NEXMIF: variants seen among roughly 807,000 people sequenced by gnomAD.
The protein encoded by NEXMIF is XLMR protein related to neurite extension.
In NEXMIF, 8 loss-of-function variants were observed where a neutral mutation model predicts 62.1. The ratio of observed to expected loss-of-function variants is 0.13; its 90% CI spans 0.08 to 0.23. The LOEUF is 0.23. Among genes scored for constraint, NEXMIF ranks in the 10% least tolerant of loss-of-function variants. NEXMIF has a pLI of 1.00. For missense variants in NEXMIF, 976 were observed against 1,113.3 expected, an observed-to-expected ratio of 0.88 and a Z score of 1.75; for synonymous variants, 404 against 416.6, an observed-to-expected ratio of 0.97 and a Z score of 0.37.
At chrX:74,776,587 C>T (rs1284220599) in intron 1 of NEXMIF, among the ~76,000 whole-genome samples, 3 of 109,271 alleles carry the variant, frequency 2.7e-5, no homozygotes, top group African/African-American at 6.7e-5. Flanking sequence ...ATAACCTGGG[C>T]GTGGTGGCGG....
intron 1 of NEXMIF, among the ~76,000 whole-genome samples, chrX:74,829,355 C>T (rs745388814): frequency 3.6e-5 from 4 of 112,318 alleles, no homozygotes; most frequent in East Asian, 2.8e-4. Flanking sequence ...CCTCCAATTC[C>T]ATCTACGTTG....
chrX:74,790,462 C>A (rs1302866453), intron 1 of NEXMIF, among the ~76,000 whole-genome samples: 2 of 111,471 alleles, frequency 1.8e-5, no homozygotes, highest in Non-Finnish European at 3.8e-5. Flanking sequence ...GATGCGGGCT[C>A]TTTTTTGGTT....
chrX:74,800,706 T>C (rs930885048), intron 1 of NEXMIF, among the ~76,000 whole-genome samples: 2 of 111,561 alleles, frequency 1.8e-5, no homozygotes, highest in Non-Finnish European at 3.8e-5. Flanking sequence ...TAAAAATATA[T>C]TCTATTGTAT....
chrX:74,818,854 G>C (rs2080384821), intron 1 of NEXMIF, among the ~76,000 whole-genome samples: 1 of 111,883 alleles, frequency 8.9e-6, no homozygotes, highest in Admixed American at 9.5e-5. Flanking sequence ...ATGAAAAAAT[G>C]CTCAACATCA....
Position 74,744,428 on chromosome X carries a change from A to G in NEXMIF, c.129T>C (p.Ala43=), listed in dbSNP as rs1459526992. The change falls in exon 3 of 4, where the codon GCT becomes GCC. Residue 43 remains alanine, a synonymous_variant. Coordinates refer to ENST00000055682, the MANE Select transcript of NEXMIF (RefSeq NM_001008537.3). ...CCGGTGTAGGCTGGATAGGTGCAGC[A>G]GCTTCTAGAGCTGCAAATGACTTCA... The part of the protein sequence containing the change: ...VAMKSFAALE[A]AAPIQPTPVA... 2 of 1,205,733 alleles carry G rather than the reference A, an allele frequency of 1.7e-6. No individual in the cohort carries two copies. Among genetic ancestry groups the G allele is most frequent in the Non-Finnish European group, 1.1e-6 (1 of 892,267 alleles).
At chrX:74,790,333 A>C (rs1350320607) in intron 1 of NEXMIF, among the ~76,000 whole-genome samples, 2 of 112,810 alleles carry the variant, frequency 1.8e-5, no homozygotes, top group Non-Finnish European at 1.9e-5. Flanking sequence ...CCATTGATCT[A>C]TATCTCTGTT....
intron 1 of NEXMIF, among the ~76,000 whole-genome samples, chrX:74,886,084 G>T (rs1032437204): frequency 8.9e-6 from 1 of 111,943 alleles, no homozygotes; most frequent in African/African-American, 3.3e-5. Context: ...AAAGGCCTTT[G>T]ACAAAATTCA....
At chrX:74,887,022 C>G (rs2080697209) in intron 1 of NEXMIF, among the ~76,000 whole-genome samples, 2 of 112,038 alleles carry the variant, frequency 1.8e-5, no homozygotes, top group African/African-American at 3.3e-5. Context: ...TGATCTTTGA[C>G]AAAGCTGACA....
chrX:74,751,286 G>A (rs1242200688), intron 1 of NEXMIF, among the ~76,000 whole-genome samples: 1 of 111,222 alleles, frequency 9.0e-6, no homozygotes, highest in African/African-American at 3.3e-5. Context: ...TAGAAGAGGG[G>A]ATACTGTATA....
At chrX:74,866,001 TG>T (rs996621209) in intron 1 of NEXMIF, among the ~76,000 whole-genome samples, 18 of 111,433 alleles carry the variant, frequency 1.6e-4, no homozygotes, top group African/African-American at 5.2e-4. Flanking sequence ...GAATCTCCAC[TG>T]GGGCACTGCC....
At chrX:74,916,530 A>AAG (rs1268760662) in intron 1 of NEXMIF, among the ~76,000 whole-genome samples, 1 of 111,385 alleles carries the variant, frequency 9.0e-6, no homozygotes, top group African/African-American at 3.3e-5. Flanking sequence ...TAAGAAGAGG[A>AAG]AGAGAGAGAC....
chrX:74,801,769 A>ATT (rs2080330426), intron 1 of NEXMIF, among the ~76,000 whole-genome samples: 1 of 112,469 alleles, frequency 8.9e-6, no homozygotes, highest in Non-Finnish European at 1.9e-5. Flanking sequence ...AGGGTCCCCA[A>ATT]TTACAGGCTC....
intron 1 of NEXMIF, among the ~76,000 whole-genome samples, chrX:74,757,903 C>T (rs1321081208): frequency 8.9e-6 from 1 of 111,800 alleles, no homozygotes; most frequent in African/African-American, 3.3e-5. Flanking sequence ...GTTTCATGTT[C>T]TCTGTTAGCT....
In NEXMIF at chrX:74,740,225, G is replaced by A; in HGVS notation, c.4332C>T (p.His1444=). ...TGGATTTGTGACGATACAACTTTTT[G>A]TGTGTCGGTCCGTTATTGCCTAAAG... The part of the protein sequence containing the change: ...MSTLGNNGPT[H]KKLYRHKSSS... The change falls in exon 3 of 4, where the codon CAC becomes CAT. Residue 1444 remains histidine, a synonymous_variant. Transcript: ENST00000055682. 8.3e-7 allele frequency: 1 copy of A among 1,211,199 alleles called. No individual in the cohort carries two copies. The highest frequency in any genetic ancestry group is 1.1e-6 in the Non-Finnish European group (1 of 895,365).
chrX:74,900,596 A>G (rs770220738), intron 1 of NEXMIF, among the ~76,000 whole-genome samples: 1 of 112,238 alleles, frequency 8.9e-6, no homozygotes, highest in South Asian at 3.7e-4. Flanking sequence ...CACAATGGAA[A>G]GCAGTGTGGA....
At chrX:74,890,878 C>T (rs1220047873) in intron 1 of NEXMIF, among the ~76,000 whole-genome samples, 1 of 111,147 alleles carries the variant, frequency 9.0e-6, no homozygotes, top group African/African-American at 3.3e-5. Context: ...CAAGGCTCCA[C>T]ACTGTCACTG....
intron 1 of NEXMIF, among the ~76,000 whole-genome samples, chrX:74,917,035 C>G (rs2080809402): frequency 8.9e-6 from 1 of 111,756 alleles, no homozygotes; most frequent in Non-Finnish European, 1.9e-5. Flanking sequence ...GTATTCTAAA[C>G]TACCAAGACA....
Position 74,740,426 on chromosome X carries a change from A to G in NEXMIF, c.4131T>C (p.Ser1377=). Residue 1377 remains serine, a synonymous_variant, in exon 3 of 4, where the codon TCT becomes TCC. Transcript: ENST00000055682. ...GGGACCCACTGTTGATCTTTTTCTT[A>G]GACTCCTGTGGTGTCCCAGCCAATA... is the stretch of plus-strand genomic sequence containing the variant. The part of the protein sequence containing the change: ...LKILAGTPQE[S]KKKINSGSQG... The G allele has an allele frequency of 1.7e-6, 2 of 1,210,778 alleles. No individual in the cohort carries two copies. The highest frequency in any genetic ancestry group is 2.2e-6 in the Non-Finnish European group (2 of 895,118).
At chrX:74,795,886 A>C (rs755256599) in intron 1 of NEXMIF, among the ~76,000 whole-genome samples, 1 of 106,510 alleles carries the variant, frequency 9.4e-6, no homozygotes, top group East Asian at 2.9e-4. Context: ...ACTGTACTGT[A>C]GTTGATAAAG....
Sources: allele counts gnomAD v4.1 joint callset (sites outside exome capture counted in the v4.1 genomes callset), GRCh38; gene constraint gnomAD v4.1.1; transcripts MANE v1.5; gene names NCBI Gene and HGNC (gene_info 2026-07-23, HGNC 2026-07-21).